SLC35A2: variants seen among roughly 807,000 people sequenced by gnomAD.
The protein encoded by SLC35A2 is solute carrier family 35 member A2.
In SLC35A2, 1 loss-of-function variant was observed where a neutral mutation model predicts 17.3. The ratio of observed to expected loss-of-function variants is 0.06; its 90% confidence interval spans 0.02 to 0.27. The LOEUF (loss-of-function observed/expected upper bound fraction) is 0.27. SLC35A2 is among the 10% of genes least tolerant of loss of function. The pLI is 1.00. For missense variants in SLC35A2, 191 were observed against 339.3 expected (o/e 0.56, Z 3.43); for synonymous variants, 161 against 161.3 (o/e 1.00, Z 0.01).
chrX:48,905,496 G>A lies in SLC35A2; in HGVS notation c.427-14C>T, dbSNP rs782141097. On this transcript the variant is annotated splice_polypyrimidine_tract_variant and intron_variant, in intron 3 of 4. Transcript: ENST00000247138. ...CTGGTATGTCACCTGCGAGTGGCACGTGGAAGGCACTGAGGGCTGACCCTG... is the reference window on the plus strand; with the variant it reads ...CTGGTATGTCACCTGCGAGTGGCACATGGAAGGCACTGAGGGCTGACCCTG... The A allele has an allele frequency of 9.7e-6, 11 of 1,135,726 alleles. No individual in the cohort carries two copies. Among genetic ancestry groups the A allele is most frequent in the South Asian group, 2.1e-5 (1 of 46,829 alleles). The allele number at this position is 1,135,726 out of a possible 1,213,427, so 93.6% of individuals were successfully genotyped here.
intron 3 of SLC35A2, chrX:48,905,922 G>A (rs2063487034): frequency 1.4e-5 from 4 of 279,955 alleles, no homozygotes; most frequent in Admixed American, 1.2e-4. Context: ...CACTGCACGT[G>A]AATTCATTCA....
chrX:48,903,215 C>G lies in SLC35A2; in HGVS notation c.*223G>C. 1 of 1,077,757 alleles carries G rather than the reference C, an allele frequency of 9.3e-7. No homozygotes were observed. The highest frequency in any genetic ancestry group is 1.3e-6 in the Non-Finnish European group (1 of 792,810). 88.8% of individuals were successfully genotyped at this position (1,077,757 alleles called of 1,213,427 possible). A position where few individuals can be genotyped will look rare whatever the true frequency, so the allele number is the denominator to read the frequency against. On this transcript the variant is annotated 3_prime_UTR_variant, in exon 5 of 5. Coordinates refer to ENST00000247138, the MANE Select transcript of SLC35A2 (RefSeq NM_005660.3). ...ACACAACACATTTTATTTGCAAAAA[C>G]TCAGCTAAGAGATAGTGTGGAGCTG...
Position 48,905,425 on chromosome X carries a change from G to A in SLC35A2, c.484C>T (p.Arg162Cys). 1.7e-6 allele frequency: 2 copies of A among 1,183,296 alleles called. No individual in the cohort carries two copies. Among genetic ancestry groups the A allele is most frequent in the Non-Finnish European group, 2.3e-6 (2 of 884,567 alleles). ...TALFSVLMLN[R>C]SLSRLQWASL... Reference sequence around the variant, plus strand: ...GCCCACTGCAGCCGGGAAAGGCTGCGATTCAGCATGAGCACGGAGAACAGC... The same window carrying A: ...GCCCACTGCAGCCGGGAAAGGCTGCAATTCAGCATGAGCACGGAGAACAGC... Residue 162 changes from arginine (R) to cysteine (C), a missense_variant, in exon 4 of 5, where the codon CGC becomes TGC. Transcript: ENST00000247138.
rs1557043615 is a variant in SLC35A2 at position 48,909,826 on chromosome X, C to T, written c.262G>A (p.Ala88Thr). 2.5e-6 allele frequency: 3 copies of T among 1,207,560 alleles called. No individual in the cohort carries two copies. The highest frequency in any genetic ancestry group is 3.0e-5 in the East Asian group (1 of 33,763). Reference sequence around the variant, plus strand: ...CCCTGGTTCGTACCCCTCTTCTGTGCGAAGAGCAGCAGCAGGCAGGTGAGA... The same window carrying T: ...CCCTGGTTCGTACCCCTCTTCTGTGTGAAGAGCAGCAGCAGGCAGGTGAGA... ...KGLTCLLLLF[A>T]QKRGNVKHLV... The change falls in exon 2 of 5, where the codon GCA becomes ACA. Residue 88 changes from alanine (A) to threonine (T), a missense_variant. Physicochemically the swap from Ala to Thr is moderately conservative, Grantham distance 58. This residue lies in a region of SLC35A2 where 164 missense variants were observed against 315.3 expected (regional missense o/e 0.52). Transcript: ENST00000247138.
At chrX:48,904,587 G>A in intron 4 of SLC35A2, 159 bp downstream of exon 4, 1 of 1,200,362 alleles carries the variant, frequency 8.3e-7, no homozygotes, top group Non-Finnish European at 1.1e-6. Context: ...CCCTCCAGAA[G>A]TCTCAGTGAC....
At position 48,904,825 on chromosome X, in the gene SLC35A2, G is replaced by T. The variant is rs1557042661; in HGVS notation, c.1084C>A (p.Gln362Lys). The change falls in exon 4 of 5, where the codon CAG (glutamine) becomes AAG (lysine). Residue 362 changes from glutamine (Q) to lysine (K), a missense_variant. This residue lies in a region of SLC35A2 where 164 missense variants were observed against 315.3 expected (regional missense o/e 0.52). Coordinates refer to ENST00000247138, the MANE Select transcript of SLC35A2 (RefSeq NM_005660.3). ...GGTGGTGGCTGCCCGGGAGGCTGCT[G>T]GTGAACGCAGGGCCCGGAGGCGGAG... ...SASASGPCVH[Q>K]QPPGQPPPPQ... The T allele has an allele frequency of 8.3e-7, 1 of 1,211,505 alleles. No individual in the cohort carries two copies. Among genetic ancestry groups the T allele is most frequent in the South Asian group, 1.8e-5 (1 of 56,933 alleles).
chrX:48,911,606 CG>C lies in SLC35A2; in HGVS notation c.30del (p.Ala11ArgfsTer25). Reference protein sequence around the residue: MAAVGAGGSTAAPGPGAVSA... With the variant: MAAVGAGGSXAAPGPGAVSA... ...GAAACCGCCCCTGGCCCGGGCGCCG[CG>C]GTGGAACCACCAGCCCCAACCGCTG... On this transcript the variant is annotated frameshift_variant, in exon 1 of 5. Coordinates refer to ENST00000247138, the MANE Select transcript of SLC35A2 (RefSeq NM_005660.3). LOFTEE classifies it high-confidence loss of function. 8.6e-7 allele frequency: 1 copy of C among 1,164,543 alleles called. No homozygotes were observed. Among genetic ancestry groups the C allele is most frequent in the Admixed American group, 2.5e-5 (1 of 39,739 alleles).
intron 3 of SLC35A2, 153 bp downstream of exon 3, chrX:48,906,239 A>G: frequency 1.9e-6 from 1 of 516,662 alleles, no homozygotes; most frequent in East Asian, 3.6e-5. Flanking sequence ...CCCAATTTTC[A>G]CAGACGAGAA....
chrX:48,909,410 CAT>C (rs2063515125), intron 2 of SLC35A2, among the ~76,000 whole-genome samples: 1 of 113,073 alleles, frequency 8.8e-6, no homozygotes, highest in African/African-American at 3.2e-5. Context: ...CGTAGGTAGA[CAT>C]ATAGATTGGC....
At chrX:48,909,376 T>C (rs2063514711) in intron 2 of SLC35A2, among the ~76,000 whole-genome samples, 1 of 113,137 alleles carries the variant, frequency 8.8e-6, no homozygotes, top group Non-Finnish European at 1.9e-5. Flanking sequence ...TGGGATTTAC[T>C]TAAAAATAAT....
intron 3 of SLC35A2, chrX:48,905,931 C>T (rs895663594): frequency 3.6e-6 from 1 of 280,339 alleles, no homozygotes; most frequent in Non-Finnish European, 6.2e-6. Flanking sequence ...TGAATTCATT[C>T]ATTTAATTCT....
At chrX:48,905,533 G>T (rs2063484655) in intron 3 of SLC35A2, 51 bp from the exon 4 acceptor site, 3 of 1,066,589 alleles carry the variant, frequency 2.8e-6, no homozygotes, top group Non-Finnish European at 3.7e-6. Flanking sequence ...CCCCCAACAG[G>T]TGCACATGGG....
chrX:48,911,922 C>A (rs1557044235), upstream of SLC35A2: 1 of 1,167,630 alleles, frequency 8.6e-7, no homozygotes, highest in African/African-American at 1.8e-5. Context: ...GCCGTTCGTC[C>A]GCTTCACTGA....
intron 2 of SLC35A2, among the ~76,000 whole-genome samples, chrX:48,907,317 G>A (rs1288592522): frequency 1.9e-5 from 2 of 103,975 alleles, no homozygotes; most frequent in Non-Finnish European, 3.9e-5. Flanking sequence ...GCGCGATCTC[G>A]GCTCACTGCA....
chrX:48,905,341 C>T lies in SLC35A2; in HGVS notation c.568G>A (p.Gly190Arg), dbSNP rs1557042906. 7.6e-6 allele frequency: 9 copies of T among 1,184,904 alleles called. No individual in the cohort carries two copies. The highest frequency in any genetic ancestry group is 9.1e-6 in the Non-Finnish European group (8 of 882,210). The change falls in exon 4 of 5, where the codon GGA (glycine) becomes AGA (arginine). Residue 190 changes from glycine (G) to arginine (R), a missense_variant. Physicochemically the swap from Gly to Arg is moderately radical, Grantham distance 125 (BLOSUM62 -2). Transcript: ENST00000247138. ...AIVQAQQAGG[G>R]GPRPLDQNPG... ...TTCTGATCCAGTGGCCGTGGGCCTCCCCCACCGGCTTGCTGTGCCTGGACA... is the reference window on the plus strand; with the variant it reads ...TTCTGATCCAGTGGCCGTGGGCCTCTCCCACCGGCTTGCTGTGCCTGGACA...
Position 48,905,264 on chromosome X carries a change from G to A in SLC35A2, c.645C>T (p.Phe215=), listed in dbSNP as rs1557042859. The change falls in exon 4 of 5, where the codon TTC becomes TTT. Residue 215 remains phenylalanine (F), a synonymous_variant. Coordinates refer to ENST00000247138, the MANE Select transcript of SLC35A2 (RefSeq NM_005660.3). ...AVVASCLSSG[F]AGVYFEKILK... ...GGATCTTCTCAAAGTAGACACCTGC[G>A]AAGCCGGAGGAGAGACAGGAGGCCA... 13 of 1,198,291 alleles carry A rather than the reference G, an allele frequency of 1.1e-5. No homozygotes were observed. The highest frequency in any genetic ancestry group is 9.0e-5 in the East Asian group (3 of 33,307).
At position 48,911,547 on chromosome X, in the gene SLC35A2, C is replaced by A; in HGVS notation, c.90G>T (p.Ala30=). 8.6e-7 allele frequency: 1 copy of A among 1,161,569 alleles called. No homozygotes were observed. The highest frequency in any genetic ancestry group is 1.1e-6 in the Non-Finnish European group (1 of 873,707). The change falls in exon 1 of 5, where the codon GCG becomes GCT. Residue 30 remains alanine, a splice_region_variant and synonymous_variant. Coordinates refer to ENST00000247138, the MANE Select transcript of SLC35A2 (RefSeq NM_005660.3). ...AGALEPGTAS[A]AHRRLKYISL... is the part of the protein sequence containing the mutation. Reference sequence around the variant, plus strand: ...GACTGCTCGGGCAGACTGTCTCACCCGCACTGGCGGTCCCCGGCTCCAATG... The same window carrying A: ...GACTGCTCGGGCAGACTGTCTCACCAGCACTGGCGGTCCCCGGCTCCAATG...
intron 2 of SLC35A2, among the ~76,000 whole-genome samples, chrX:48,909,104 A>T (rs1459069946): frequency 2.7e-5 from 3 of 112,040 alleles, no homozygotes; most frequent in Admixed American, 9.5e-5. Context: ...AGACCAAAAA[A>T]CCCCTAGAGA....
chrX:48,904,065 C>T, intron 4 of SLC35A2: 6 of 761,787 alleles, frequency 7.9e-6, no homozygotes, highest in Non-Finnish European at 9.3e-6. Flanking sequence ...CCACAAATCC[C>T]AAGTCCACTA....
Sources: allele counts gnomAD v4.1 joint callset (sites outside exome capture counted in the v4.1 genomes callset), GRCh38; gene constraint gnomAD v4.1.1; regional missense constraint gnomAD v4.1.1; transcripts MANE v1.5; gene names NCBI Gene and HGNC (gene_info 2026-07-23, HGNC 2026-07-21).